The following NRG3 variants were observed in gnomAD, a reference collection of about 807,000 sequenced individuals.
The protein encoded by NRG3 is pro-neuregulin-3, membrane-bound isoform.
Under a neutral mutation model 66.9 loss-of-function variants are expected in NRG3, and 31 were observed. That is an observed-to-expected ratio of 0.46 (90% CI 0.35 to 0.63). The LOEUF is 0.63. Ranked by LOEUF, NRG3 falls within the 20% of genes least tolerant of loss-of-function variation. The probability of loss-of-function intolerance (pLI) is 0.00; values close to 1 mark genes in which losing one functional copy is unlikely to be tolerated. For synonymous variants in NRG3, 393 were observed against 359.4 expected (o/e 1.09, Z -1.06); for missense variants, 910 against 878.9 (o/e 1.04, Z -0.45).
chr10:82,446,384 C>T (rs760261205), intron 2 of NRG3, among the ~76,000 whole-genome samples: 4 of 152,086 alleles, frequency 2.6e-5, no homozygotes, highest in Non-Finnish European at 4.4e-5. Flanking sequence ...TGGGATCAAC[C>T]CAAATGCTCA....
intron 4 of NRG3, among the ~76,000 whole-genome samples, chr10:82,876,417 A>G (rs1330880926): frequency 6.6e-6 from 1 of 151,754 alleles, no homozygotes; most frequent in East Asian, 2.1e-4. Flanking sequence ...CAGAGCTTCT[A>G]GTTTCTTCTA....
chr10:82,187,454 A>G (rs923599816), intron 1 of NRG3, among the ~76,000 whole-genome samples: 1 of 152,200 alleles, frequency 6.6e-6, no homozygotes, highest in Admixed American at 6.5e-5. Context: ...TTCAAAATTC[A>G]TAGTTTGCTG....
intron 2 of NRG3, among the ~76,000 whole-genome samples, chr10:82,609,648 A>T (rs1175026663): frequency 1.3e-5 from 2 of 152,112 alleles, no homozygotes; most frequent in East Asian, 3.8e-4. Flanking sequence ...ACATGTGTTA[A>T]ACCTCATAAT....
At chr10:81,877,762 T>G in intron 1 of NRG3, 1 of 1,356,896 alleles carries the variant, frequency 7.4e-7, no homozygotes, top group Non-Finnish European at 9.4e-7. Context: ...TTCTCTCTCC[T>G]TTGGCTGAAG....
chr10:82,595,458 C>CTTT (rs2047215548), intron 2 of NRG3, among the ~76,000 whole-genome samples: 1 of 152,096 alleles, frequency 6.6e-6, no homozygotes, highest in South Asian at 2.1e-4. Flanking sequence ...GGATTACCAC[C>CTTT]TTATAAAACA....
chr10:82,681,783 A>G (rs531346852), intron 2 of NRG3, among the ~76,000 whole-genome samples: 2 of 152,316 alleles, frequency 1.3e-5, no homozygotes, highest in South Asian at 4.1e-4. Flanking sequence ...TGCCTACAAC[A>G]CTTCCTGCTC....
At chr10:82,725,457 A>G (rs145655271) in intron 2 of NRG3, among the ~76,000 whole-genome samples, 271 of 152,316 alleles carry the variant, frequency 1.8e-3, no homozygotes, top group African/African-American at 6.2e-3. Flanking sequence ...TGGTGTATAG[A>G]GGAAGTATAA....
At chr10:82,905,229 C>T (rs1260461403) in intron 4 of NRG3, among the ~76,000 whole-genome samples, 1 of 152,114 alleles carries the variant, frequency 6.6e-6, no homozygotes, top group African/African-American at 2.4e-5. Context: ...TTGGTGTATT[C>T]ATAACATGGT....
intron 4 of NRG3, among the ~76,000 whole-genome samples, chr10:82,895,720 C>G (rs1843602426): frequency 6.6e-6 from 1 of 152,002 alleles, no homozygotes; most frequent in Non-Finnish European, 1.5e-5. Context: ...TCGATCTCCT[C>G]ACCTCGTGAT....
At chr10:82,418,205 C>T (rs1017581807) in intron 2 of NRG3, among the ~76,000 whole-genome samples, 1 of 152,108 alleles carries the variant, frequency 6.6e-6, no homozygotes, top group Non-Finnish European at 1.5e-5. Context: ...ACCTTCTCTC[C>T]AGGTGGGGAC....
chr10:81,991,467 A>G (rs1166935593), intron 1 of NRG3, among the ~76,000 whole-genome samples: 2 of 152,178 alleles, frequency 1.3e-5, no homozygotes, highest in African/African-American at 4.8e-5. Flanking sequence ...ATTTGTGAAT[A>G]TGTGAGTCTA....
intron 1 of NRG3, among the ~76,000 whole-genome samples, chr10:81,981,078 C>G (rs988694450): frequency 1.3e-5 from 2 of 152,162 alleles, no homozygotes; most frequent in African/African-American, 4.8e-5. Context: ...AAATCCCTGT[C>G]CTTCTCATAT....
intron 3 of NRG3, among the ~76,000 whole-genome samples, chr10:82,775,266 C>T (rs1156963491): frequency 1.3e-5 from 2 of 149,752 alleles, no homozygotes; most frequent in South Asian, 2.1e-4. Context: ...TCCTCTAGAA[C>T]TGCTTTTGCT....
chr10:82,149,425 A>G (rs2070524948), intron 1 of NRG3, among the ~76,000 whole-genome samples: 1 of 152,142 alleles, frequency 6.6e-6, no homozygotes, highest in Admixed American at 6.5e-5. Flanking sequence ...TTAAAATTTA[A>G]TTGCTTTGCA....
rs1853353122 is a variant in NRG3 at position 82,985,377 on chromosome 10, A to G, written c.1863A>G (p.Ile621Met). The G allele has an allele frequency of 6.2e-7, 1 of 1,614,048 alleles. No homozygotes were observed. The highest frequency in any genetic ancestry group is 1.3e-5 in the African/African-American group (1 of 74,926). The change falls in exon 9 of 9, where the codon ATA becomes ATG. Residue 621 changes from isoleucine to methionine, a missense_variant. Transcript: ENST00000372141. ...NVSIPVSDCL[I>M]AEQQEVKILL... ...GTATTCCAGTCAGCGATTGTCTTAT[A>G]GCAGAACAACAAGAAGTGAAAATAT... is the stretch of plus-strand genomic sequence containing the variant.
chr10:82,742,297 AGGATGTC>A (rs1398133559), intron 3 of NRG3, among the ~76,000 whole-genome samples: 1 of 152,148 alleles, frequency 6.6e-6, no homozygotes, highest in African/African-American at 2.4e-5. Flanking sequence ...AAATGGTGCA[AGGATGTC>A]ACTGTGAGAG....
intron 1 of NRG3, among the ~76,000 whole-genome samples, chr10:81,999,680 G>A (rs994217222): frequency 2.6e-5 from 4 of 152,074 alleles, no homozygotes; most frequent in Non-Finnish European, 5.9e-5. Context: ...TTTCCTTTAT[G>A]CCTTTAACAA....
rs191080395 is a variant in NRG3 at position 82,369,887 on chromosome 10, C to T, written c.953+11019C>T. Among the ~76,000 whole-genome samples the T allele has an allele frequency of 1.6e-3, 219 of 137,926 alleles. 20 individuals carry two copies. Among genetic ancestry groups the T allele is most frequent in the South Asian group, 2.8e-3 (13 of 4,656 alleles). 90.5% of individuals were successfully genotyped at this position (137,926 alleles called of 152,430 possible). ...TAGCAGGCTTTGGATGATAATGAAA[C>T]GAGAGAGTTCCCTGACATATGACAG... On this transcript the variant is annotated intron_variant, in intron 2 of 8. Coordinates refer to ENST00000372141, the MANE Select transcript of NRG3 (RefSeq NM_001010848.4).
At chr10:82,096,658 T>C (rs1193742888) in intron 1 of NRG3, among the ~76,000 whole-genome samples, 1 of 151,996 alleles carries the variant, frequency 6.6e-6, no homozygotes, top group Non-Finnish European at 1.5e-5. Context: ...TAAGTAAAAT[T>C]GACAAGCATA....
Sources: gnomAD v4.1 joint callset for allele counts (sites outside exome capture counted in the v4.1 genomes callset) on GRCh38, gnomAD v4.1.1 for gene constraint, MANE v1.5 for transcripts, NCBI Gene and HGNC (gene_info 2026-07-23, HGNC 2026-07-21) for gene names.